PDE4D: variants seen among roughly 807,000 people sequenced by gnomAD.
PDE4D encodes phosphodiesterase 4D.
Under a neutral mutation model 87.4 loss-of-function variants are expected in PDE4D, and 24 were observed. The observed-to-expected ratio is 0.27, with a 90% CI of 0.20 to 0.39. The LOEUF is 0.39. PDE4D is among the 10% of genes least tolerant of loss of function. PDE4D has a pLI of 1.00. For synonymous variants in PDE4D, 384 were observed against 383.2 expected (o/e 1.00, Z -0.02); for missense variants, 714 against 1,041.0 (o/e 0.69, Z 4.32).
At chr5:59,832,587 G>A (rs540799959) in intron 1 of PDE4D, among the ~76,000 whole-genome samples, 4 of 152,146 alleles carry the variant, frequency 2.6e-5, no homozygotes, top group African/African-American at 9.6e-5. Context: ...ATATGTGTAA[G>A]TCAGTAGATT....
intron 3 of PDE4D, among the ~76,000 whole-genome samples, chr5:59,983,899 A>G (rs2152827300): frequency 6.6e-6 from 1 of 152,338 alleles, no homozygotes; most frequent in Admixed American, 6.5e-5. Flanking sequence ...GACTGGTATA[A>G]GTGTACATAG....
At chr5:60,059,655 T>G (rs1387457510) in intron 2 of PDE4D, among the ~76,000 whole-genome samples, 2 of 151,766 alleles carry the variant, frequency 1.3e-5, no homozygotes, top group Admixed American at 1.3e-4. Flanking sequence ...AAACACCACA[T>G]GCAATGAAGA....
At chr5:59,800,883 T>C (rs1767049906) in intron 1 of PDE4D, among the ~76,000 whole-genome samples, 1 of 152,228 alleles carries the variant, frequency 6.6e-6, no homozygotes, top group Non-Finnish European at 1.5e-5. Context: ...AAATGCATTG[T>C]AAATGCAAAT....
intron 1 of PDE4D, among the ~76,000 whole-genome samples, chr5:60,476,375 C>T (rs1393056084): frequency 1.3e-5 from 2 of 152,140 alleles, no homozygotes; most frequent in African/African-American, 2.4e-5. Context: ...GAGAGCTCCA[C>T]AGTCTGCCAT....
chr5:60,015,903 T>C (rs1765460432), intron 2 of PDE4D, among the ~76,000 whole-genome samples: 1 of 151,870 alleles, frequency 6.6e-6, no homozygotes, highest in African/African-American at 2.4e-5. Context: ...TTTTTTTTTT[T>C]TTGAGACAGA....
At chr5:59,726,868 GAAGATCAA>G (rs1417260321) in intron 1 of PDE4D, among the ~76,000 whole-genome samples, 4 of 151,902 alleles carry the variant, frequency 2.6e-5, no homozygotes, top group African/African-American at 9.7e-5. Flanking sequence ...CAACTATATA[GAAGATCAA>G]CTATATAGCC....
upstream of PDE4D, among the ~76,000 whole-genome samples, chr5:59,893,949 C>A (rs1015543759): frequency 6.6e-6 from 1 of 152,084 alleles, no homozygotes; most frequent in Non-Finnish European, 1.5e-5. Context: ...TTTCTTCTTC[C>A]CTTCCTTTGG....
At chr5:59,333,602 T>C (rs1018073371) in intron 1 of PDE4D, among the ~76,000 whole-genome samples, 2 of 152,182 alleles carry the variant, frequency 1.3e-5, no homozygotes, top group Non-Finnish European at 2.9e-5. Flanking sequence ...TCCAGTTCAT[T>C]ATCAGAGCAA....
In PDE4D at chr5:60,487,513, C is replaced by T. The variant is rs16878142; in HGVS notation, c.-90+429G>A. 8.4e-3 allele frequency among the ~76,000 whole-genome samples: 1,286 copies of T among 152,248 alleles called. 8 individuals are homozygous for T. Among genetic ancestry groups the T allele is most frequent in the Middle Eastern group, 0.02 (6 of 294 alleles). On this transcript the variant is annotated intron_variant, in intron 1 of 16. Coordinates refer to the PDE4D transcript ENST00000502484. ...TACTGTGCCCTATCTGCTGTGTACC[C>T]CTGTCCCCAAAGCATTTATTATAAT...
chr5:60,417,048 A>G (rs997680233), intron 1 of PDE4D, among the ~76,000 whole-genome samples: 1 of 152,140 alleles, frequency 6.6e-6, no homozygotes, highest in South Asian at 2.1e-4. Flanking sequence ...AGATGTCCAG[A>G]CTCATTTGTA....
intron 1 of PDE4D, among the ~76,000 whole-genome samples, chr5:60,212,677 C>G (rs913369426): frequency 7.9e-5 from 12 of 152,216 alleles, no homozygotes; most frequent in Non-Finnish European, 1.5e-4. Flanking sequence ...GATTGCACCA[C>G]TTAAGCAGCT....
intron 1 of PDE4D, among the ~76,000 whole-genome samples, chr5:59,522,366 C>T (rs796413350): frequency 6.6e-6 from 1 of 152,286 alleles, no homozygotes; most frequent in African/African-American, 2.4e-5. Context: ...ACTTTATGCT[C>T]CAACAAACCC....
intron 1 of PDE4D, among the ~76,000 whole-genome samples, chr5:60,306,709 A>G (rs1291316084): frequency 1.3e-5 from 2 of 152,152 alleles, no homozygotes; most frequent in African/African-American, 2.4e-5. Context: ...ACCATATACA[A>G]TCCTATTCTG....
chr5:60,279,834 C>T lies in PDE4D; in HGVS notation c.-89-94147G>A, dbSNP rs529119485. On this transcript the variant is annotated intron_variant, in intron 1 of 16. Coordinates refer to the PDE4D transcript ENST00000502484. ...GTAGCTGGGACTACAGACACTGCCA[C>T]GATGCCTGGCTAATTTTTTGTGTTT... Among the ~76,000 whole-genome samples, 419 of 152,028 alleles carry T rather than the reference C, an allele frequency of 2.8e-3. 2 individuals are homozygous for T. Among genetic ancestry groups the T allele is most frequent in the Non-Finnish European group, 3.2e-3 (216 of 67,962 alleles).
At chr5:59,369,348 T>G (rs978517972) in intron 1 of PDE4D, among the ~76,000 whole-genome samples, 1 of 152,164 alleles carries the variant, frequency 6.6e-6, no homozygotes, top group Non-Finnish European at 1.5e-5. Flanking sequence ...GTTTTCAGAA[T>G]AGTATATCAA....
intron 2 of PDE4D, among the ~76,000 whole-genome samples, chr5:60,152,169 G>A (rs561833267): frequency 3.3e-5 from 5 of 152,172 alleles, no homozygotes; most frequent in African/African-American, 1.2e-4. Flanking sequence ...GTGTTTTGTT[G>A]AGGAGTTTTG....
chr5:60,425,940 T>C (rs1583719995), intron 1 of PDE4D, among the ~76,000 whole-genome samples: 2 of 152,284 alleles, frequency 1.3e-5, no homozygotes, highest in Middle Eastern at 3.4e-3. Context: ...AAAATGCTCA[T>C]CATCACTGGT....
At chr5:59,444,573 G>T (rs1057377878) in intron 1 of PDE4D, among the ~76,000 whole-genome samples, 1 of 152,168 alleles carries the variant, frequency 6.6e-6, no homozygotes, top group African/African-American at 2.4e-5. Context: ...AGCACTTTGG[G>T]AGGCCGAGGC....
At chr5:59,986,830 G>C (rs746005200) in intron 3 of PDE4D, 1 of 152,204 alleles carries the variant, frequency 6.6e-6, no homozygotes, top group African/African-American at 2.4e-5. Flanking sequence ...GGGTACCTAA[G>C]TGACTGGCCT....
Sources: allele counts gnomAD v4.1 joint callset (sites outside exome capture counted in the v4.1 genomes callset), GRCh38; gene constraint gnomAD v4.1.1; transcripts MANE v1.5; gene names NCBI Gene and HGNC (gene_info 2026-07-23, HGNC 2026-07-21).